ZNF236: variants seen among roughly 807,000 people sequenced by gnomAD.
The protein encoded by ZNF236 is zinc finger protein 236, also known as regulated by glucose.
ZNF236 carries 50 observed loss-of-function variants against 191.2 expected under a neutral mutation model. The observed-to-expected ratio is 0.26, with a 90% CI of 0.21 to 0.33. The LOEUF is 0.33. ZNF236 is among the 10% of genes least tolerant of loss of function. The pLI, the probability that ZNF236 is intolerant of heterozygous loss-of-function variation, is 1.00. For missense variants in ZNF236, 1,754 were observed against 2,374.5 expected, an observed-to-expected ratio of 0.74 and a Z score of 5.43; for synonymous variants, 907 against 928.8, an observed-to-expected ratio of 0.98 and a Z score of 0.43.
At chr18:76,864,105 A>G (rs1206491343) in intron 3 of ZNF236, among the ~76,000 whole-genome samples, 1 of 151,754 alleles carries the variant, frequency 6.6e-6, no homozygotes, top group East Asian at 1.9e-4. Context: ...TTACATTATC[A>G]GCTCTCCTAG....
chr18:76,936,058 A>T (rs1967988355), intron 25 of ZNF236: 1 of 456,972 alleles, frequency 2.2e-6, no homozygotes, highest in Non-Finnish European at 4.4e-6. Context: ...AACTCCAGCG[A>T]CAAGTAAGTA....
intron 17 of ZNF236, 28 bp downstream of exon 17, chr18:76,912,375 G>T (rs1568226608): frequency 6.4e-7 from 1 of 1,556,572 alleles, no homozygotes; most frequent in Non-Finnish European, 8.8e-7. Flanking sequence ...CCAGCTCATG[G>T]TATTGCCGGC....
chr18:76,918,357 G>A (rs144520924), intron 19 of ZNF236, among the ~76,000 whole-genome samples: 10 of 152,170 alleles, frequency 6.6e-5, no homozygotes, highest in Middle Eastern at 3.4e-3. Context: ...TAACCTACAC[G>A]CATCCACTTG....
chr18:76,936,355 C>T (rs1263805786), intron 25 of ZNF236: 1 of 456,570 alleles, frequency 2.2e-6, no homozygotes, highest in African/African-American at 2.0e-5. Context: ...ACGTTGTGTT[C>T]ACTGGTGCCC....
At chr18:76,861,053 C>G (rs1976205363) in intron 3 of ZNF236, among the ~76,000 whole-genome samples, 1 of 152,186 alleles carries the variant, frequency 6.6e-6, no homozygotes, top group Non-Finnish European at 1.5e-5. Context: ...ATTCAGCCAC[C>G]TGAACTTAGC....
chr18:76,914,688 CTG>C (rs1368748512), intron 18 of ZNF236, among the ~76,000 whole-genome samples: 10 of 152,162 alleles, frequency 6.6e-5, no homozygotes, highest in African/African-American at 2.2e-4. Flanking sequence ...TGAGAAATGT[CTG>C]TTCTAATCCT....
At chr18:76,840,634 T>TC (rs966970610) in intron 1 of ZNF236, among the ~76,000 whole-genome samples, 1 of 147,856 alleles carries the variant, frequency 6.8e-6, no homozygotes, top group Non-Finnish European at 1.5e-5. Context: ...TTTTTTTTTT[T>TC]TTTTTTTTTG....
At chr18:76,939,292 C>T (rs1968073285) in intron 26 of ZNF236, among the ~76,000 whole-genome samples, 1 of 152,140 alleles carries the variant, frequency 6.6e-6, no homozygotes, top group African/African-American at 2.4e-5. Context: ...GAGATCGCAC[C>T]TCTGTACTCC....
intron 25 of ZNF236, among the ~76,000 whole-genome samples, chr18:76,931,596 C>T (rs1967848678): frequency 6.6e-6 from 1 of 152,138 alleles, no homozygotes; most frequent in South Asian, 2.1e-4. Flanking sequence ...CTTCTGCCCT[C>T]CAGTGAGAAT....
At chr18:76,916,126 A>G (rs1030334056) in intron 19 of ZNF236, among the ~76,000 whole-genome samples, 6 of 152,190 alleles carry the variant, frequency 3.9e-5, no homozygotes, top group African/African-American at 1.4e-4. Flanking sequence ...TCTTCCTTTC[A>G]TGCTTGGGCG....
At chr18:76,878,616 T>TGC (rs199635176) in intron 7 of ZNF236, among the ~76,000 whole-genome samples, 95 of 140,002 alleles carry the variant, frequency 6.8e-4, no homozygotes, top group East Asian at 3.1e-3. Context: ...GAGACACAGG[T>TGC]GCGCACACAC....
intron 25 of ZNF236, chr18:76,930,984 G>A (rs917014403): frequency 1.3e-5 from 2 of 152,158 alleles, no homozygotes; most frequent in African/African-American, 4.8e-5. Flanking sequence ...AAACTTTGAG[G>A]ATAGAATTAT....
At chr18:76,891,496 C>T (rs935338803) in intron 9 of ZNF236, among the ~76,000 whole-genome samples, 2 of 152,124 alleles carry the variant, frequency 1.3e-5, no homozygotes, top group South Asian at 4.1e-4. Context: ...CTTCAGCCTC[C>T]TCAGTAGTTA....
chr18:76,969,444 A>G lies in ZNF236; in HGVS notation c.*1105A>G, dbSNP rs1456166469. 6.6e-6 allele frequency: 1 copy of G among 152,634 alleles called. No homozygotes were observed. The highest frequency in any genetic ancestry group is 1.9e-4 in the East Asian group (1 of 5,202). The allele number at this position is 152,634 out of a possible 1,614,324, so 9.5% of individuals were successfully genotyped here. A position where few individuals can be genotyped will look rare whatever the true frequency, so the allele number is the denominator to read the frequency against. ...ATGTTCTATATATAAATACATATGT[A>G]CATAGATATATGGGCCTCTGTGTGG... is the stretch of plus-strand genomic sequence containing the variant. On this transcript the variant is annotated 3_prime_UTR_variant, in exon 31 of 31. Transcript: ENST00000320610.
rs1967339695 is a variant in ZNF236, at chr18:76,915,691, A to G, written c.3106A>G (p.Thr1036Ala). 2 of 1,614,150 alleles carry G rather than the reference A, an allele frequency of 1.2e-6. No individual in the cohort carries two copies. The highest frequency in any genetic ancestry group is 1.1e-5 in the South Asian group (1 of 91,088). Reference sequence around the variant, plus strand: ...CAGTGTGTGCAATGCTTCCTTCACCACCAATGGCAGCCTCACCCGGCACAT... The same window carrying G: ...CAGTGTGTGCAATGCTTCCTTCACCGCCAATGGCAGCCTCACCCGGCACAT... Reference protein sequence around the residue: ...SCSVCNASFTTNGSLTRHMAT... With the variant: ...SCSVCNASFTANGSLTRHMAT... The change falls in exon 19 of 31, where the codon ACC (threonine) becomes GCC (alanine). Residue 1036 changes from threonine (T) to alanine (A), a missense_variant. Thr to Ala is a moderately conservative substitution (Grantham distance 58). This residue lies in a region of ZNF236 where 641 missense variants were observed against 869.6 expected (regional missense o/e 0.74). Coordinates refer to ENST00000320610, the MANE Select transcript of ZNF236 (RefSeq NM_001306089.2).
intron 13 of ZNF236, 58 bp downstream of exon 13, chr18:76,905,473 G>A (rs1360464462): frequency 6.4e-7 from 1 of 1,559,104 alleles, no homozygotes; most frequent in Non-Finnish European, 8.7e-7. Flanking sequence ...GTAGATGGTG[G>A]GGAGTGTTTT....
At chr18:76,904,005 C>T (rs1466578205) in intron 11 of ZNF236, among the ~76,000 whole-genome samples, 1 of 149,046 alleles carries the variant, frequency 6.7e-6, no homozygotes, top group Non-Finnish European at 1.5e-5. Flanking sequence ...ATGTAGACTC[C>T]ATGTCAACAA....
chr18:76,957,694 G>T (rs952719960), intron 28 of ZNF236, among the ~76,000 whole-genome samples: 2 of 152,144 alleles, frequency 1.3e-5, no homozygotes, highest in African/African-American at 4.8e-5. Context: ...CCCAGTGTGT[G>T]TGATTTGCTC....
chr18:76,835,115 AT>A (rs1318064137), intron 1 of ZNF236, among the ~76,000 whole-genome samples: 1 of 151,984 alleles, frequency 6.6e-6, no homozygotes, highest in Non-Finnish European at 1.5e-5. Context: ...CATCCACAAA[AT>A]TTTGATGTGG....
Sources: gnomAD v4.1 joint callset for allele counts (sites outside exome capture counted in the v4.1 genomes callset) on GRCh38, gnomAD v4.1.1 for gene constraint, gnomAD v4.1.1 regional missense constraint, MANE v1.5 for transcripts, NCBI Gene and HGNC (gene_info 2026-07-23, HGNC 2026-07-21) for gene names.